The following KIRREL3 variants were observed in gnomAD, a reference collection of about 807,000 sequenced individuals.
KIRREL3 encodes the protein kin of IRRE-like protein 3.
A neutral mutation model predicts 89.7 loss-of-function variants in KIRREL3; 36 were observed. That is an observed-to-expected ratio of 0.40 (90% CI 0.31 to 0.53). The LOEUF is 0.53. KIRREL3 is among the 20% of genes least tolerant of loss of function. The pLI is 0.49. For missense variants in KIRREL3, 864 were observed against 1,056.6 expected (o/e 0.82, Z 2.53); for synonymous variants, 445 against 441.4 (o/e 1.01, Z -0.10).
intron 3 of KIRREL3, among the ~76,000 whole-genome samples, chr11:126,524,521 G>A (rs561848788): frequency 1.6e-4 from 24 of 152,316 alleles, no homozygotes; most frequent in Non-Finnish European, 2.8e-4. Flanking sequence ...CCGGATCGCT[G>A]TAGATTTATG....
chr11:126,915,408 T>G (rs1946998452), intron 1 of KIRREL3, among the ~76,000 whole-genome samples: 1 of 152,126 alleles, frequency 6.6e-6, no homozygotes, highest in African/African-American at 2.4e-5. Flanking sequence ...GGCTAAGGAT[T>G]AAATCCCCAA....
In KIRREL3 at chr11:126,465,282, C is replaced by T. The variant is rs377454507; in HGVS notation, c.592-1975G>A. ...ATGTCTCTAATTCTTATGAGGGCCCCGGAAGACAGCAGCATTATCTTTGAT... is the reference window on the plus strand; with the variant it reads ...ATGTCTCTAATTCTTATGAGGGCCCTGGAAGACAGCAGCATTATCTTTGAT... On this transcript the variant is annotated intron_variant, in intron 5 of 16. Coordinates refer to ENST00000525144, the MANE Select transcript of KIRREL3 (RefSeq NM_032531.4). Among the ~76,000 whole-genome samples the T allele has an allele frequency of 5.9e-5, 9 of 152,268 alleles. No homozygotes were observed. In the East Asian group the frequency reaches 9.6e-4, roughly 16 times the overall value.
At chr11:126,506,156 A>G (rs1371842397) in intron 4 of KIRREL3, among the ~76,000 whole-genome samples, 2 of 152,234 alleles carry the variant, frequency 1.3e-5, no homozygotes, top group Non-Finnish European at 2.9e-5. Context: ...TGTAAAACTT[A>G]TGGGAGAAAA....
At position 126,558,115 on chromosome 11, in the gene KIRREL3, G is replaced by A. The variant is rs549877651; in HGVS notation, c.133+4720C>T. On this transcript the variant is annotated intron_variant, in intron 2 of 16. Transcript: ENST00000525144. This position sits in a 1 kb window ranked among gnomAD's most constrained non-coding sequence, Gnocchi z 4.0. ...CAGCCCAAGAAGGCACCAGTGTGAG[G>A]GAGGAGTACCCTCCTGTGCAGGCCC... 9.8e-5 allele frequency among the ~76,000 whole-genome samples: 15 copies of A among 152,310 alleles called. No individual in the cohort carries two copies. Among genetic ancestry groups the A allele is most frequent in the African/African-American group, 3.4e-4 (14 of 41,570 alleles).
At chr11:126,925,989 G>A (rs1303751803) in intron 1 of KIRREL3, among the ~76,000 whole-genome samples, 1 of 152,214 alleles carries the variant, frequency 6.6e-6, no homozygotes, top group Non-Finnish European at 1.5e-5. Context: ...GTACTGCAGT[G>A]ACTCAGTCAT....
Position 126,656,833 on chromosome 11 carries a change from C to T in KIRREL3, c.56-93921G>A, listed in dbSNP as rs1945161170. Among the ~76,000 whole-genome samples, 1 of 152,160 alleles carries T rather than the reference C, an allele frequency of 6.6e-6. No individual in the cohort carries two copies. Among genetic ancestry groups the T allele is most frequent in the Admixed American group, 6.5e-5 (1 of 15,286 alleles). On this transcript the variant is annotated intron_variant, in intron 1 of 16. Coordinates refer to ENST00000525144, the MANE Select transcript of KIRREL3 (RefSeq NM_032531.4). The surrounding 1 kb of genome is among the most constrained non-coding windows in gnomAD (Gnocchi z 4.0). ...TTGGGAGGCCAAGGTGTGTGCATCGCTTGGGGCTGGGAGTCCCAGACCAGC... is the reference window on the plus strand; with the variant it reads ...TTGGGAGGCCAAGGTGTGTGCATCGTTTGGGGCTGGGAGTCCCAGACCAGC...
Position 126,623,555 on chromosome 11 carries a change from G to A in KIRREL3, c.56-60643C>T, listed in dbSNP as rs1221858665. 3.9e-5 allele frequency among the ~76,000 whole-genome samples: 6 copies of A among 152,100 alleles called. No individual in the cohort carries two copies. The highest frequency in any genetic ancestry group is 7.3e-5 in the Non-Finnish European group (5 of 68,028). On this transcript the variant is annotated intron_variant, in intron 1 of 16. Coordinates refer to ENST00000525144, the MANE Select transcript of KIRREL3 (RefSeq NM_032531.4). The surrounding 1 kb of genome is among the most constrained non-coding windows in gnomAD (Gnocchi z 4.1). ...ACGTCTGTGTGAATCTTGCATGATG[G>A]AAGAGGAAACCAGGTAAGAGTGAGC... is the stretch of plus-strand genomic sequence containing the variant.
chr11:126,684,619 A>T lies in KIRREL3; in HGVS notation c.56-121707T>A, dbSNP rs1478141784. Among the ~76,000 whole-genome samples the T allele has an allele frequency of 6.6e-6, 1 of 152,178 alleles. No homozygotes were observed. The highest frequency in any genetic ancestry group is 2.4e-5 in the African/African-American group (1 of 41,448). On this transcript the variant is annotated intron_variant, in intron 1 of 16. Coordinates refer to ENST00000525144, the MANE Select transcript of KIRREL3 (RefSeq NM_032531.4). The surrounding 1 kb of genome is among the most constrained non-coding windows in gnomAD (Gnocchi z 4.2). ...CACTGATGATCAAAAAAGAGAGGAC[A>T]CTTAGAATTAAATTCATTTCTTTGG... is the stretch of plus-strand genomic sequence containing the variant.
chr11:126,922,866 C>T (rs987423138), intron 1 of KIRREL3, among the ~76,000 whole-genome samples: 14 of 152,302 alleles, frequency 9.2e-5, no homozygotes, highest in South Asian at 4.1e-4. Flanking sequence ...TCCCACAATC[C>T]GCAGTGTTCT....
At position 126,975,881 on chromosome 11, in the gene KIRREL3, C is replaced by T. The variant is rs560711746; in HGVS notation, c.55+24574G>A. 2.2e-3 allele frequency among the ~76,000 whole-genome samples: 308 copies of T among 138,468 alleles called. 2 individuals are homozygous for T. Among genetic ancestry groups the T allele is most frequent in the African/African-American group, 8.3e-3 (293 of 35,396 alleles). The allele number at this position is 138,468 out of a possible 152,430, so 90.8% of individuals were successfully genotyped here. A position where few individuals can be genotyped will look rare whatever the true frequency, so the allele number is the denominator to read the frequency against. ...CATATTACATAATTCCCAGGTTTTTCTTTTCCCTCCCTCCCTCCCTCCCTT... is the reference window on the plus strand; with the variant it reads ...CATATTACATAATTCCCAGGTTTTTTTTTTCCCTCCCTCCCTCCCTCCCTT... On this transcript the variant is annotated intron_variant, in intron 1 of 16. Coordinates refer to ENST00000525144, the MANE Select transcript of KIRREL3 (RefSeq NM_032531.4).
chr11:126,795,229 C>T lies in KIRREL3; in HGVS notation c.55+205226G>A, dbSNP rs1481446039. ...CATACAGAATGAACTCTAATGTAAA[C>T]TAGGGACTTCAATTCATAACAATGT... is the stretch of plus-strand genomic sequence containing the variant. On this transcript the variant is annotated intron_variant, in intron 1 of 16. Coordinates refer to ENST00000525144, the MANE Select transcript of KIRREL3 (RefSeq NM_032531.4). The surrounding 1 kb of genome is among the most constrained non-coding windows in gnomAD (Gnocchi z 4.1). 6.6e-6 allele frequency among the ~76,000 whole-genome samples: 1 copy of T among 152,238 alleles called. No homozygotes were observed. Among genetic ancestry groups the T allele is most frequent in the South Asian group, 2.1e-4 (1 of 4,818 alleles).
At chr11:126,886,416 T>C (rs1945698814) in intron 1 of KIRREL3, among the ~76,000 whole-genome samples, 1 of 152,186 alleles carries the variant, frequency 6.6e-6, no homozygotes. Context: ...AATAAAAAAA[T>C]ATGGCTCATT....
At chr11:126,437,718 A>G (rs947135668) in intron 11 of KIRREL3, among the ~76,000 whole-genome samples, 75 of 152,276 alleles carry the variant, frequency 4.9e-4, no homozygotes, top group African/African-American at 1.8e-3. Flanking sequence ...TCCCCGAAAT[A>G]CATGTACACA....
chr11:126,742,490 C>A lies in KIRREL3; in HGVS notation c.56-179578G>T, dbSNP rs1351886219. ...ATGTGGCTCACAGAAGCATCTCACACCCCAGGTCATAAGACACACAACATG... is the reference window on the plus strand; with the variant it reads ...ATGTGGCTCACAGAAGCATCTCACAACCCAGGTCATAAGACACACAACATG... On this transcript the variant is annotated intron_variant, in intron 1 of 16. Coordinates refer to ENST00000525144, the MANE Select transcript of KIRREL3 (RefSeq NM_032531.4). The surrounding 1 kb of genome is among the most constrained non-coding windows in gnomAD (Gnocchi z 5.3). 1.3e-5 allele frequency among the ~76,000 whole-genome samples: 2 copies of A among 152,142 alleles called. No homozygotes were observed. Among genetic ancestry groups the A allele is most frequent in the East Asian group, 1.9e-4 (1 of 5,194 alleles).
Position 126,571,767 on chromosome 11 carries a change from G to A in KIRREL3, c.56-8855C>T, listed in dbSNP as rs762657623. On this transcript the variant is annotated intron_variant, in intron 1 of 16. Coordinates refer to ENST00000525144, the MANE Select transcript of KIRREL3 (RefSeq NM_032531.4). The surrounding 1 kb of genome is among the most constrained non-coding windows in gnomAD (Gnocchi z 7.7). ...AATCCGTTTGTGAGAGGGGTGGGGC[G>A]GGGGGATGTTAAATAATGTTGGTTA... 7.2e-5 allele frequency among the ~76,000 whole-genome samples: 11 copies of A among 152,084 alleles called. No homozygotes were observed. The highest frequency in any genetic ancestry group is 3.9e-4 in the Admixed American group (6 of 15,274).
chr11:126,511,869 G>A (rs1363425497), intron 4 of KIRREL3, among the ~76,000 whole-genome samples: 1 of 152,256 alleles, frequency 6.6e-6, no homozygotes, highest in Non-Finnish European at 1.5e-5. Flanking sequence ...GCTGAGGTCG[G>A]AACGGAGAAG....
Position 126,441,038 on chromosome 11 carries a change from G to A in KIRREL3, c.1253-489C>T, listed in dbSNP as rs1955544913. 6.6e-6 allele frequency among the ~76,000 whole-genome samples: 1 copy of A among 152,254 alleles called. No individual in the cohort carries two copies. Among genetic ancestry groups the A allele is most frequent in the African/African-American group, 2.4e-5 (1 of 41,472 alleles). On this transcript the variant is annotated intron_variant, in intron 10 of 16. Coordinates refer to ENST00000525144, the MANE Select transcript of KIRREL3 (RefSeq NM_032531.4). The surrounding 1 kb of genome is among the most constrained non-coding windows in gnomAD (Gnocchi z 5.0). ...GGGCGCCCTTGCCTAACAAATGGGA[G>A]CTGCTCGGCCAGACGGGCCAACGGG...
intron 4 of KIRREL3, among the ~76,000 whole-genome samples, chr11:126,502,756 C>G (rs1957900760): frequency 6.6e-6 from 1 of 152,222 alleles, no homozygotes; most frequent in Admixed American, 6.5e-5. Context: ...ATTTGCATCT[C>G]CAAAAGGTGA....
rs150912161 is a variant in KIRREL3 at position 126,768,133 on chromosome 11, TATCCATCCATCCATCC to T, written c.56-205237_56-205222del. On this transcript the variant is annotated intron_variant, in intron 1 of 16. Transcript: ENST00000525144. The surrounding 1 kb of genome is among the most constrained non-coding windows in gnomAD (Gnocchi z 4.5). ...CTGTCCATCCATCTGTCTATCCATC[TATCCATCCATCCATCC>T]ATCCATCCATCCATCCATCCAATCC... Among the ~76,000 whole-genome samples the T allele has an allele frequency of 1.6e-5, 2 of 127,458 alleles. No individual in the cohort carries two copies. Among genetic ancestry groups the T allele is most frequent in the Non-Finnish European group, 3.2e-5 (2 of 62,758 alleles). The allele number at this position is 127,458 out of a possible 152,430, so 83.6% of individuals were successfully genotyped here. A position where few individuals can be genotyped will look rare whatever the true frequency, so the allele number is the denominator to read the frequency against.
Sources: allele counts gnomAD v4.1 joint callset (sites outside exome capture counted in the v4.1 genomes callset), GRCh38; gene constraint gnomAD v4.1.1; non-coding constraint Gnocchi (gnomAD v3.1); transcripts MANE v1.5; gene names NCBI Gene and HGNC (gene_info 2026-07-23, HGNC 2026-07-21).